LHFPL2: variants seen among roughly 807,000 people sequenced by gnomAD.
LHFPL2 encodes LHFPL tetraspan subfamily member 2, also known as LHFPL tetraspan subfamily member 2 protein.
A neutral mutation model predicts 17.5 loss-of-function variants in LHFPL2; 7 were observed. The ratio of observed to expected loss-of-function variants is 0.40; its 90% CI spans 0.23 to 0.75. LHFPL2 has a LOEUF of 0.75. LHFPL2 is among the 30% of genes least tolerant of loss of function. The pLI, the probability that LHFPL2 is intolerant of heterozygous loss-of-function variation, is 0.37. For synonymous variants in LHFPL2, 134 were observed against 116.2 expected (o/e 1.15, Z -0.99); for missense variants, 241 against 294.8 (o/e 0.82, Z 1.34).
In LHFPL2 at chr5:78,487,588, T is replaced by C. The variant is rs1231064545; in HGVS notation, c.*1309A>G. The stretch of plus-strand genomic sequence containing the variant: ...GCTTGTTTCTGTGCTGCTCTGGTCA[T>C]TCTGAGATACTATCTTCCTGAATCA... On this transcript the variant is annotated 3_prime_UTR_variant, in exon 5 of 5. Coordinates refer to ENST00000380345, the MANE Select transcript of LHFPL2 (RefSeq NM_005779.3). 2.0e-5 allele frequency: 3 copies of C among 152,186 alleles called. No individual in the cohort carries two copies. The highest frequency in any genetic ancestry group is 4.4e-5 in the Non-Finnish European group (3 of 68,026). 9.4% of individuals were successfully genotyped at this position (152,186 alleles called of 1,614,324 possible). A position where few individuals can be genotyped will look rare whatever the true frequency, so the allele number is the denominator to read the frequency against.
At chr5:78,579,156 C>T (rs1757215137) in intron 2 of LHFPL2, among the ~76,000 whole-genome samples, 2 of 152,156 alleles carry the variant, frequency 1.3e-5, no homozygotes, top group Admixed American at 1.3e-4. Context: ...AACACCCTCA[C>T]ATGACCTACA....
At chr5:78,637,682 T>C (rs933785294) in intron 1 of LHFPL2, among the ~76,000 whole-genome samples, 2 of 152,160 alleles carry the variant, frequency 1.3e-5, no homozygotes, top group African/African-American at 4.8e-5. Context: ...TCTTTCATGC[T>C]CCAGTTTAAT....
chr5:78,520,692 C>T (rs2112341176), intron 3 of LHFPL2, among the ~76,000 whole-genome samples: 1 of 152,354 alleles, frequency 6.6e-6, no homozygotes, highest in East Asian at 1.9e-4. Flanking sequence ...AGGGTGGGAG[C>T]TGGCCTGGCT....
At chr5:78,531,159 T>C (rs1358148401) in intron 3 of LHFPL2, among the ~76,000 whole-genome samples, 1 of 152,226 alleles carries the variant, frequency 6.6e-6, no homozygotes, top group African/African-American at 2.4e-5. Flanking sequence ...CTCACGCCTA[T>C]AATCCCAGCA....
intron 2 of LHFPL2, among the ~76,000 whole-genome samples, chr5:78,611,693 G>T (rs1449987660): frequency 6.6e-6 from 1 of 152,154 alleles, no homozygotes; most frequent in Non-Finnish European, 1.5e-5. Flanking sequence ...ACCTGTGACA[G>T]GAGAAGACTG....
intron 3 of LHFPL2, among the ~76,000 whole-genome samples, chr5:78,542,370 C>A (rs1001526052): frequency 2.0e-5 from 3 of 152,112 alleles, no homozygotes; most frequent in Non-Finnish European, 4.4e-5. Flanking sequence ...TCCCTTTGTC[C>A]CCTTTGTCGA....
intron 3 of LHFPL2, among the ~76,000 whole-genome samples, chr5:78,516,167 AAC>A (rs1755284939): frequency 6.6e-6 from 1 of 152,222 alleles, no homozygotes; most frequent in South Asian, 2.1e-4. Flanking sequence ...CACCCCGTAA[AAC>A]ACATTCACTA....
chr5:78,520,526 A>G lies in LHFPL2; in HGVS notation c.-185-10128T>C, dbSNP rs1014150530. ...CTCCTTCTAGAGCAGATGGCTCCAT[A>G]GGACCTGCTCCTCTGGAGAGGGAGG... On this transcript the variant is annotated intron_variant, in intron 3 of 4. Transcript: ENST00000380345. Among the ~76,000 whole-genome samples, 8 of 152,226 alleles carry G rather than the reference A, an allele frequency of 5.3e-5. No individual in the cohort carries two copies. In the South Asian group the frequency reaches 8.3e-4, roughly 16 times the overall value.
chr5:78,530,386 C>G (rs1445635415), intron 3 of LHFPL2, among the ~76,000 whole-genome samples: 6 of 152,194 alleles, frequency 3.9e-5, no homozygotes, highest in Non-Finnish European at 8.8e-5. Flanking sequence ...AGCATAACCA[C>G]TAAGAAGGTT....
chr5:78,636,552 A>G (rs1430475541), intron 1 of LHFPL2, among the ~76,000 whole-genome samples: 2 of 152,200 alleles, frequency 1.3e-5, no homozygotes, highest in South Asian at 2.1e-4. Flanking sequence ...TAACCTTCCA[A>G]TTCACCTGGA....
intron 2 of LHFPL2, among the ~76,000 whole-genome samples, chr5:78,588,957 G>A (rs1464908566): frequency 6.6e-6 from 1 of 152,062 alleles, no homozygotes; most frequent in Non-Finnish European, 1.5e-5. Flanking sequence ...AAAAGGGGAG[G>A]GACTAATATA....
chr5:78,532,107 A>G (rs1176539848), intron 3 of LHFPL2, among the ~76,000 whole-genome samples: 1 of 152,120 alleles, frequency 6.6e-6, no homozygotes, highest in African/African-American at 2.4e-5. Flanking sequence ...TATTTTTAGT[A>G]GAAATGGGGT....
intron 3 of LHFPL2, among the ~76,000 whole-genome samples, chr5:78,516,023 C>T (rs966902769): frequency 6.6e-5 from 10 of 152,166 alleles, no homozygotes; most frequent in Non-Finnish European, 1.5e-4. Flanking sequence ...TCTGCCCAAA[C>T]ATTCAGGTCC....
chr5:78,582,638 G>A (rs1743189273), intron 2 of LHFPL2, among the ~76,000 whole-genome samples: 1 of 152,154 alleles, frequency 6.6e-6, no homozygotes, highest in Non-Finnish European at 1.5e-5. Context: ...TGATTGCACT[G>A]TGGTCTGAGA....
At chr5:78,608,517 G>A (rs1376045610) in intron 2 of LHFPL2, among the ~76,000 whole-genome samples, 1 of 151,320 alleles carries the variant, frequency 6.6e-6, no homozygotes, top group Non-Finnish European at 1.5e-5. Flanking sequence ...ATACAGTTTT[G>A]GTTTTTAACT....
At chr5:78,493,202 A>C (rs1408693390) in intron 4 of LHFPL2, among the ~76,000 whole-genome samples, 1 of 152,202 alleles carries the variant, frequency 6.6e-6, no homozygotes, top group Non-Finnish European at 1.5e-5. Context: ...TCTGTGGTGA[A>C]TGCCACACGT....
At chr5:78,606,887 G>T (rs548818594) in intron 2 of LHFPL2, among the ~76,000 whole-genome samples, 1 of 152,072 alleles carries the variant, frequency 6.6e-6, no homozygotes. Flanking sequence ...ATGTTGGCCA[G>T]GCTGGTCTTG....
rs759606985 is a variant in LHFPL2 at position 78,587,771 on chromosome 5, C to T, written c.-244-22900G>A. 7.2e-5 allele frequency among the ~76,000 whole-genome samples: 11 copies of T among 152,360 alleles called. No homozygotes were observed. In the South Asian group the frequency reaches 2.1e-3, roughly 29 times the overall value. ...CACTAAGCCTTCAATTTACAGAAAG[C>T]GCCGATTAGCATTGGTCTGAAGGTG... On this transcript the variant is annotated intron_variant, in intron 2 of 4. Transcript: ENST00000380345.
intron 2 of LHFPL2, among the ~76,000 whole-genome samples, chr5:78,631,625 C>T (rs374178610): frequency 6.6e-6 from 1 of 152,336 alleles, no homozygotes. Flanking sequence ...GCCTCTCATT[C>T]AGACAGTTGA....
Sources: gnomAD v4.1 joint callset for allele counts (sites outside exome capture counted in the v4.1 genomes callset) on GRCh38, gnomAD v4.1.1 for gene constraint, MANE v1.5 for transcripts, NCBI Gene and HGNC (gene_info 2026-07-23, HGNC 2026-07-21) for gene names.